Variants in CCDC13 observed in about 807,000 individuals in gnomAD.
CCDC13 encodes the protein coiled-coil domain containing 13.
In CCDC13, 70 loss-of-function variants were observed where a neutral mutation model predicts 87.3. The ratio of observed to expected loss-of-function variants is 0.80; its 90% CI spans 0.66 to 0.98. CCDC13 has a LOEUF of 0.98. Among genes scored for constraint, CCDC13 ranks in the 50% least tolerant of loss-of-function variants. The probability of loss-of-function intolerance (pLI) is 0.00; values close to 1 mark genes in which losing one functional copy is unlikely to be tolerated. For synonymous variants in CCDC13, 317 were observed against 360.3 expected, an observed-to-expected ratio of 0.88 and a Z score of 1.36; for missense variants, 842 against 892.0, an observed-to-expected ratio of 0.94 and a Z score of 0.71.
Position 42,730,501 on chromosome 3 carries a change from G to T in CCDC13, c.1684C>A (p.Arg562=), listed in dbSNP as rs199605259. ...LWQAAEVERD[R]LTEFVTVLQK... ...AGGACAGTGACAAACTCGGTGAGCC[G>T]GTCACGCTCCACCTCGGCAGCCTGC... Residue 562 remains arginine, a synonymous_variant, in exon 13 of 16, where the codon CGG becomes AGG. Transcript: ENST00000310232. The T allele has an allele frequency of 6.2e-7, 1 of 1,614,078 alleles. No individual in the cohort carries two copies. The highest frequency in any genetic ancestry group is 8.5e-7 in the Non-Finnish European group (1 of 1,179,960).
At chr3:42,769,623 G>GC (rs797013242) in intron 1 of CCDC13, among the ~76,000 whole-genome samples, 87 of 152,382 alleles carry the variant, frequency 5.7e-4, no homozygotes, top group African/African-American at 2.0e-3. Flanking sequence ...TGCTTGAGGA[G>GC]CCCTTCAGCC....
Position 42,709,131 on chromosome 3 carries a change from A to C in CCDC13, c.1997T>G (p.Ile666Ser), listed in dbSNP as rs1377911913. The part of the protein sequence containing the change: ...QMEELTTRLA[I>S]QVEENEMLKA... ...TAGCATTTCATTCTCCTCCACCTGGATGGCCAGCCTGGACCACAGGAGACA... is the reference window on the plus strand; with the variant it reads ...TAGCATTTCATTCTCCTCCACCTGGCTGGCCAGCCTGGACCACAGGAGACA... Residue 666 changes from isoleucine (I) to serine (S), a missense_variant, in exon 16 of 16, where the codon ATC becomes AGC. Transcript: ENST00000310232. The C allele has an allele frequency of 6.2e-7, 1 of 1,610,970 alleles. No homozygotes were observed. The highest frequency in any genetic ancestry group is 8.5e-7 in the Non-Finnish European group (1 of 1,178,348).
chr3:42,711,246 C>CAAAAAAAAAAAAAAAAAAAA (rs1174084143), intron 14 of CCDC13, among the ~76,000 whole-genome samples: 6 of 75,330 alleles, frequency 8.0e-5, no homozygotes, highest in African/African-American at 2.8e-4. Context: ...ACTCTGTCTC[C>CAAAAAAAAAAAAAAAAAAAA]AAAAAAAAAA....
downstream of CCDC13, among the ~76,000 whole-genome samples, chr3:42,705,722 T>C (rs1698162433): frequency 6.6e-6 from 1 of 152,188 alleles, no homozygotes; most frequent in Admixed American, 6.5e-5. Context: ...CCAGGACAGA[T>C]GGTGCTACCC....
downstream of CCDC13, among the ~76,000 whole-genome samples, chr3:42,705,532 C>T (rs903841809): frequency 1.3e-5 from 2 of 152,176 alleles, no homozygotes; most frequent in Non-Finnish European, 2.9e-5. Context: ...CAGGGAGAGC[C>T]CTCACTTGAG....
chr3:42,717,160 TCATG>T (rs1349314742), intron 13 of CCDC13, among the ~76,000 whole-genome samples: 1 of 152,004 alleles, frequency 6.6e-6, no homozygotes, highest in Admixed American at 6.6e-5. Context: ...GCATGGTGGC[TCATG>T]CATGTAATCC....
chr3:42,721,354 T>C (rs923737923), intron 13 of CCDC13, among the ~76,000 whole-genome samples: 1 of 152,246 alleles, frequency 6.6e-6, no homozygotes, highest in Non-Finnish European at 1.5e-5. Context: ...AAGTTTCTGA[T>C]AACTTTGGAA....
At chr3:42,743,875 G>A (rs992371738) in intron 7 of CCDC13, among the ~76,000 whole-genome samples, 3 of 151,994 alleles carry the variant, frequency 2.0e-5, no homozygotes, top group African/African-American at 4.8e-5. Flanking sequence ...GGAAGGCAGG[G>A]TTTGGAAACA....
At chr3:42,737,531 C>T (rs184431052) in intron 9 of CCDC13, among the ~76,000 whole-genome samples, 6 of 152,330 alleles carry the variant, frequency 3.9e-5, no homozygotes, top group Admixed American at 6.5e-5. Flanking sequence ...GTCCCACCAA[C>T]AGTGTAAAAG....
At chr3:42,765,563 G>A (rs1699911906) in intron 1 of CCDC13, among the ~76,000 whole-genome samples, 1 of 152,104 alleles carries the variant, frequency 6.6e-6, no homozygotes, top group South Asian at 2.1e-4. Context: ...GCACCACTAC[G>A]CCCAGCTAAC....
Position 42,735,713 on chromosome 3 carries a change from A to G in CCDC13, c.1365T>C (p.Asn455=). The change falls in exon 10 of 16, where the codon AAT becomes AAC. Residue 455 remains asparagine, a synonymous_variant. Transcript: ENST00000310232. The stretch of plus-strand genomic sequence containing the variant: ...CTGCCAGTGCCCTACTCACGTGCAC[A>G]TTGAGTTGTCCGATCTCCATCTCCA... ...RQLEMEIGQL[N]VHYLRNKGVG... The G allele has an allele frequency of 1.9e-6, 3 of 1,614,070 alleles. No individual in the cohort carries two copies. The highest frequency in any genetic ancestry group is 1.1e-5 in the South Asian group (1 of 91,080).
At chr3:42,766,313 T>C (rs1392399269) in intron 1 of CCDC13, among the ~76,000 whole-genome samples, 5 of 150,850 alleles carry the variant, frequency 3.3e-5, no homozygotes, top group African/African-American at 1.2e-4. Flanking sequence ...AGACCTAGAG[T>C]ATGAACAAAG....
rs777222114 is a variant in CCDC13 at position 42,758,311 on chromosome 3, C to T, written c.35G>A (p.Arg12Gln). Residue 12 changes from arginine (R) to glutamine (Q), a missense_variant, in exon 2 of 16, where the codon CGG becomes CAG. By Grantham distance (43) the Arg-to-Gln change is conservative. Coordinates refer to ENST00000310232, the MANE Select transcript of CCDC13 (RefSeq NM_144719.4). ...CTCCTGCATTGCCTTGAACTGGAGCCGCAAAGTGTTCTGTGAGCTTTCATC... is the reference window on the plus strand; with the variant it reads ...CTCCTGCATTGCCTTGAACTGGAGCTGCAAAGTGTTCTGTGAGCTTTCATC... The part of the protein sequence containing the change: ...AADESSQNTL[R>Q]LQFKAMQEMQ... 33 of 1,612,926 alleles carry T rather than the reference C, an allele frequency of 2.0e-5. No individual in the cohort carries two copies. Among genetic ancestry groups the T allele is most frequent in the South Asian group, 5.5e-5 (5 of 91,032 alleles).
intron 9 of CCDC13, 138 bp downstream of exon 9, chr3:42,739,496 G>C: frequency 2.2e-6 from 2 of 919,696 alleles, no homozygotes. Flanking sequence ...GGTACTGGGG[G>C]CCATCTGGAG....
At chr3:42,704,359 C>T (rs1195554503), downstream of CCDC13, 1 of 152,236 alleles carries the variant, frequency 6.6e-6, no homozygotes, top group African/African-American at 2.4e-5. Flanking sequence ...GAGTTAAGAA[C>T]ACAGGTTCAG....
intron 7 of CCDC13, among the ~76,000 whole-genome samples, chr3:42,743,987 C>G (rs540787710): frequency 6.6e-6 from 1 of 152,248 alleles, no homozygotes; most frequent in African/African-American, 2.4e-5. Context: ...CACTGCCCTG[C>G]GTAACACTGT....
intron 1 of CCDC13, among the ~76,000 whole-genome samples, chr3:42,758,729 T>C (rs761635710): frequency 1.8e-4 from 27 of 152,242 alleles, no homozygotes; most frequent in Non-Finnish European, 2.4e-4. Flanking sequence ...TCCCAGTTTC[T>C]AGGAACAGGG....
chr3:42,754,207 A>G lies in CCDC13; in HGVS notation c.371-1490T>C, dbSNP rs370570246. On this transcript the variant is annotated intron_variant, in intron 3 of 15. Coordinates refer to ENST00000310232, the MANE Select transcript of CCDC13 (RefSeq NM_144719.4). ...CTGGTGGAAAGCAAACAGGCACTTTATGGCTTTCAAATCACCTCAGCCCAG... is the reference window on the plus strand; with the variant it reads ...CTGGTGGAAAGCAAACAGGCACTTTGTGGCTTTCAAATCACCTCAGCCCAG... Among the ~76,000 whole-genome samples, 7 of 152,304 alleles carry G rather than the reference A, an allele frequency of 4.6e-5. No homozygotes were observed. In the East Asian group the frequency reaches 1.4e-3, roughly 29 times the overall value.
chr3:42,728,151 G>A (rs112523224), intron 13 of CCDC13, among the ~76,000 whole-genome samples: 29 of 152,350 alleles, frequency 1.9e-4, no homozygotes, highest in African/African-American at 3.8e-4. Flanking sequence ...ACAACAGGAC[G>A]ACACACACTG....
Sources: gnomAD v4.1 joint callset for allele counts (sites outside exome capture counted in the v4.1 genomes callset) on GRCh38, gnomAD v4.1.1 for gene constraint, MANE v1.5 for transcripts, NCBI Gene and HGNC (gene_info 2026-07-23, HGNC 2026-07-21) for gene names.